The following GRHL2 variants were observed in gnomAD, a reference collection of about 807,000 sequenced individuals.
GRHL2 encodes grainyhead-like protein 2 homolog.
A neutral mutation model predicts 83.8 loss-of-function variants in GRHL2; 21 were observed. That is an observed-to-expected ratio of 0.25 (90% CI 0.18 to 0.36). The LOEUF is 0.36. GRHL2 is among the 10% of genes least tolerant of loss of function. The pLI, the probability that GRHL2 is intolerant of heterozygous loss-of-function variation, is 1.00. For synonymous variants in GRHL2, 280 were observed against 278.9 expected, an observed-to-expected ratio of 1.00 and a Z score of -0.04; for missense variants, 623 against 781.8, an observed-to-expected ratio of 0.80 and a Z score of 2.42.
chr8:101,514,921 TTTC>T (rs944956093), intron 1 of GRHL2, among the ~76,000 whole-genome samples: 37 of 151,716 alleles, frequency 2.4e-4, no homozygotes, highest in African/African-American at 6.0e-4. Context: ...CTCCTTGTTC[TTTC>T]TTCTTCTCCT....
chr8:101,558,684 G>A lies in GRHL2; in HGVS notation c.550G>A (p.Val184Met). 7.4e-6 allele frequency: 12 copies of A among 1,614,194 alleles called. No homozygotes were observed. The highest frequency in any genetic ancestry group is 1.0e-5 in the Non-Finnish European group (12 of 1,180,038). ...CCGGGGAGATGGGGAAGAGCAACGA[G>A]TGGTTATCTTTGAACAGACTCAGTA... ...YPRGDGEEQR[V>M]VIFEQTQYDV... is the part of the protein sequence containing the mutation. The change falls in exon 4 of 16, where the codon GTG (valine) becomes ATG (methionine). Residue 184 changes from valine (V) to methionine (M), a missense_variant. This residue lies in a region of GRHL2 where 239 missense variants were observed against 240.5 expected (regional missense o/e 0.99). Transcript: ENST00000646743.
rs1283698593 is a variant in GRHL2 at position 101,505,101 on chromosome 8, CAGG to C, written c.20+12314_20+12316del. Among the ~76,000 whole-genome samples, 17 of 151,952 alleles carry C rather than the reference CAGG, an allele frequency of 1.1e-4. No individual in the cohort carries two copies. The East Asian group carries it at 2.3e-3, about 21-fold the overall frequency. On this transcript the variant is annotated intron_variant, in intron 1 of 15. Coordinates refer to ENST00000646743, the MANE Select transcript of GRHL2 (RefSeq NM_024915.4). ...CGGAATAAACACAGAGGTGGTGAAA[CAGG>C]AACTAGTAGGTATACATTTTGGCCG...
At chr8:101,504,381 A>T (rs1294339552) in intron 1 of GRHL2, among the ~76,000 whole-genome samples, 1 of 152,224 alleles carries the variant, frequency 6.6e-6, no homozygotes, top group African/African-American at 2.4e-5. Flanking sequence ...CAACATGTGT[A>T]TAATTTGAAG....
At chr8:101,539,466 G>T (rs535910279) in intron 1 of GRHL2, among the ~76,000 whole-genome samples, 1 of 152,196 alleles carries the variant, frequency 6.6e-6, no homozygotes, top group East Asian at 1.9e-4. Context: ...AATCAATCGT[G>T]GGGGGCCGGT....
chr8:101,645,828 T>G (rs1813501462), intron 13 of GRHL2, among the ~76,000 whole-genome samples: 1 of 152,218 alleles, frequency 6.6e-6, no homozygotes, highest in Admixed American at 6.5e-5. Context: ...ACAGCATAAA[T>G]GCATAAATGC....
At chr8:101,530,072 T>C (rs577143224) in intron 1 of GRHL2, among the ~76,000 whole-genome samples, 21 of 152,262 alleles carry the variant, frequency 1.4e-4, no homozygotes, top group Admixed American at 2.6e-4. Flanking sequence ...GTTAGTTCCA[T>C]TGGGCACACT....
intron 7 of GRHL2, among the ~76,000 whole-genome samples, chr8:101,592,656 G>A (rs544861473): frequency 8.8e-4 from 134 of 152,254 alleles, no homozygotes; most frequent in African/African-American, 3.1e-3. Context: ...AGCCCTCCAG[G>A]TGATTCTGGT....
At chr8:101,576,891 C>T (rs1811943928) in intron 6 of GRHL2, among the ~76,000 whole-genome samples, 1 of 152,182 alleles carries the variant, frequency 6.6e-6, no homozygotes, top group African/African-American at 2.4e-5. Flanking sequence ...GATCTATGTT[C>T]ACCAATATGA....
intron 7 of GRHL2, among the ~76,000 whole-genome samples, chr8:101,580,420 G>T (rs1357553520): frequency 6.6e-6 from 1 of 152,134 alleles, no homozygotes; most frequent in African/African-American, 2.4e-5. Flanking sequence ...CTCTAACTGT[G>T]TTTGTACCCA....
At position 101,556,827 on chromosome 8, in the gene GRHL2, A is replaced by G. The variant is rs140338231; in HGVS notation, c.285-1592A>G. Among the ~76,000 whole-genome samples the G allele has an allele frequency of 4.4e-3, 663 of 150,778 alleles. 2 individuals carry two copies. The highest frequency in any genetic ancestry group is 0.015 in the African/African-American group (622 of 40,194). On this transcript the variant is annotated intron_variant, in intron 3 of 15. Coordinates refer to ENST00000646743, the MANE Select transcript of GRHL2 (RefSeq NM_024915.4). The stretch of plus-strand genomic sequence containing the variant: ...GTAAAAAATATCCTCCCCACTCCCT[A>G]GTCCTTCAAATTACCATGTTTGTCC...
chr8:101,667,548 G>C lies in GRHL2; in HGVS notation c.*845G>C, dbSNP rs1161770835. 4 of 152,530 alleles carry C rather than the reference G, an allele frequency of 2.6e-5. No homozygotes were observed. Among genetic ancestry groups the C allele is most frequent in the African/African-American group, 9.7e-5 (4 of 41,438 alleles). 9.4% of individuals were successfully genotyped at this position (152,530 alleles called of 1,614,324 possible). A position where few individuals can be genotyped will look rare whatever the true frequency, so the allele number is the denominator to read the frequency against. ...GATGCCAAGATGGACTCTGCAATGG[G>C]CATACCTGGGGGCTCGTTCCCTGTC... On this transcript the variant is annotated 3_prime_UTR_variant, in exon 16 of 16. Transcript: ENST00000646743.
At chr8:101,631,429 T>C (rs1333302504) in intron 9 of GRHL2, among the ~76,000 whole-genome samples, 2 of 152,196 alleles carry the variant, frequency 1.3e-5, no homozygotes, top group African/African-American at 4.8e-5. Context: ...AGAGGTGGGA[T>C]CCCTCACAGG....
chr8:101,662,860 C>CATATATAT (rs34202494), intron 14 of GRHL2, among the ~76,000 whole-genome samples: 2,803 of 146,132 alleles, frequency 0.019, 44 homozygotes, highest in Middle Eastern at 0.089. Flanking sequence ...TATGTACTTA[C>CATATATAT]ATATATATAC....
At chr8:101,647,765 A>G (rs914972743) in intron 13 of GRHL2, among the ~76,000 whole-genome samples, 2 of 136,612 alleles carry the variant, frequency 1.5e-5, no homozygotes, top group Admixed American at 1.4e-4. Context: ...TTTTTCATAC[A>G]CTAACTGAAC....
At chr8:101,560,509 C>T (rs868411920) in intron 4 of GRHL2, among the ~76,000 whole-genome samples, 1 of 152,216 alleles carries the variant, frequency 6.6e-6, no homozygotes, top group Non-Finnish European at 1.5e-5. Context: ...GCTTTCATTT[C>T]TCTCGGGTAA....
At chr8:101,498,598 C>T (rs1453394588) in intron 1 of GRHL2, among the ~76,000 whole-genome samples, 1 of 152,122 alleles carries the variant, frequency 6.6e-6, no homozygotes, top group Non-Finnish European at 1.5e-5. Context: ...TAAGATGGTA[C>T]TAGATCTTCT....
At position 101,632,247 on chromosome 8, in the gene GRHL2, C is replaced by G. The variant is rs748693855; in HGVS notation, c.1367C>G (p.Ala456Gly). 1.9e-6 allele frequency: 3 copies of G among 1,614,024 alleles called. No homozygotes were observed. Among genetic ancestry groups the G allele is most frequent in the Non-Finnish European group, 2.5e-6 (3 of 1,179,926 alleles). ...CNSSSDGKLAAIPLQKKSDIT... is the reference protein window; with the variant it reads ...CNSSSDGKLAGIPLQKKSDIT... ...CCAGCCTCTGATGGGAAGTTGGCTG[C>G]CATACCTTTACAGAAGAAGAGTGAC... is the stretch of plus-strand genomic sequence containing the variant. Residue 456 changes from alanine (A) to glycine (G), a missense_variant, in exon 11 of 16, where the codon GCC (alanine) becomes GGC (glycine). Ala to Gly is a moderately conservative substitution (Grantham distance 60). Transcript: ENST00000646743.
intron 2 of GRHL2, among the ~76,000 whole-genome samples, chr8:101,551,031 C>T (rs1262696396): frequency 1.3e-5 from 2 of 152,082 alleles, no homozygotes; most frequent in Non-Finnish European, 2.9e-5. Context: ...GGGTGGTTTC[C>T]TCCTTCTGGC....
chr8:101,612,767 T>C (rs902173704), intron 8 of GRHL2, among the ~76,000 whole-genome samples: 1 of 150,876 alleles, frequency 6.6e-6, no homozygotes, highest in Non-Finnish European at 1.5e-5. Flanking sequence ...TTCTCTTAAG[T>C]AGTTGGACAA....
Sources: allele counts gnomAD v4.1 joint callset (sites outside exome capture counted in the v4.1 genomes callset), GRCh38; gene constraint gnomAD v4.1.1; regional missense constraint gnomAD v4.1.1; transcripts MANE v1.5; gene names NCBI Gene and HGNC (gene_info 2026-07-23, HGNC 2026-07-21).